Variants in SSX2IP observed in about 807,000 individuals in gnomAD.
SSX2IP encodes afadin- and alpha-actinin-binding protein.
A neutral mutation model predicts 84.9 loss-of-function variants in SSX2IP; 55 were observed. The observed-to-expected ratio is 0.65, with a 90% CI of 0.52 to 0.81. The LOEUF is 0.81. SSX2IP is among the 30% of genes least tolerant of loss of function. The pLI, the probability that SSX2IP is intolerant of heterozygous loss-of-function variation, is 0.00. For synonymous variants in SSX2IP, 239 were observed against 234.7 expected (o/e 1.02, Z -0.17); for missense variants, 664 against 705.2 (o/e 0.94, Z 0.66).
At chr1:84,651,557 G>A (rs1293669523) in intron 12 of SSX2IP, among the ~76,000 whole-genome samples, 4 of 151,928 alleles carry the variant, frequency 2.6e-5, no homozygotes, top group African/African-American at 9.7e-5. Flanking sequence ...GTAAAAACCC[G>A]TCTCTACTAA....
rs974113286 is a variant in SSX2IP, at chr1:84,645,462, C to T, written c.*1971G>A. ...AGTACGTCTCAAGGAATCTTTCTTT[C>T]CAATTTGAGAACTCAACTCACTTTA... On this transcript the variant is annotated 3_prime_UTR_variant, in exon 14 of 14. Coordinates refer to ENST00000342203, the MANE Select transcript of SSX2IP (RefSeq NM_001166293.2). 4 of 152,144 alleles carry T rather than the reference C, an allele frequency of 2.6e-5. No individual in the cohort carries two copies. Among genetic ancestry groups the T allele is most frequent in the Non-Finnish European group, 5.9e-5 (4 of 68,024 alleles). The allele number at this position is 152,144 out of a possible 1,614,324, so 9.4% of individuals were successfully genotyped here. A position where few individuals can be genotyped will look rare whatever the true frequency, so the allele number is the denominator to read the frequency against.
At position 84,677,473 on chromosome 1, in the gene SSX2IP, G is replaced by C. The variant is rs146377222; in HGVS notation, c.-89-6165C>G. On this transcript the variant is annotated intron_variant, in intron 1 of 13. Coordinates refer to ENST00000342203, the MANE Select transcript of SSX2IP (RefSeq NM_001166293.2). ...CACAACAATACCTTGTAGAACTTTAGGTAAGCAGTCTCTAGGATGGCTCTC... is the reference window on the plus strand; with the variant it reads ...CACAACAATACCTTGTAGAACTTTACGTAAGCAGTCTCTAGGATGGCTCTC... 4.1e-4 allele frequency among the ~76,000 whole-genome samples: 62 copies of C among 152,246 alleles called. 2 individuals are homozygous for C. The East Asian group carries it at 6.6e-3, about 16-fold the overall frequency.
chr1:84,660,723 C>T lies in SSX2IP; in HGVS notation c.927+1475G>A, dbSNP rs1338037491. Among the ~76,000 whole-genome samples the T allele has an allele frequency of 2.0e-5, 3 of 151,718 alleles. No individual in the cohort carries two copies. The East Asian group carries it at 5.8e-4, about 29-fold the overall frequency. ...GAGATTGCAGTGAGGTGAGATGGTG[C>T]CACTGGACTCCAGCCTGGGCAACAA... On this transcript the variant is annotated intron_variant, in intron 8 of 13. Coordinates refer to ENST00000342203, the MANE Select transcript of SSX2IP (RefSeq NM_001166293.2).
intron 1 of SSX2IP, among the ~76,000 whole-genome samples, chr1:84,682,982 TTTCCCCCATTACAGA>T (rs60615517): frequency 0.51 from 76,893 of 151,942 alleles, 22,070 homozygotes; most frequent in East Asian, 0.72. Context: ...ATCCAAATAC[TTTCCCCCATTACAGA>T]TAAGGAAACT....
At chr1:84,685,822 C>A (rs1371462528) in intron 1 of SSX2IP, among the ~76,000 whole-genome samples, 1 of 152,048 alleles carries the variant, frequency 6.6e-6, no homozygotes, top group African/African-American at 2.4e-5. Context: ...GGGGATATTC[C>A]TGAAATTTGG....
intron 9 of SSX2IP, among the ~76,000 whole-genome samples, chr1:84,657,685 C>T (rs747281311): frequency 5.9e-5 from 9 of 152,082 alleles, no homozygotes; most frequent in Non-Finnish European, 1.2e-4. Context: ...GTACACTACA[C>T]CCAATGTGTA....
intron 5 of SSX2IP, among the ~76,000 whole-genome samples, chr1:84,665,863 G>A (rs1391100365): frequency 6.6e-6 from 1 of 152,136 alleles, no homozygotes; most frequent in Non-Finnish European, 1.5e-5. Flanking sequence ...GTCCAGGAAG[G>A]GCAGTCCAGG....
In SSX2IP at chr1:84,646,787, A is replaced by C. The variant is rs1649509779; in HGVS notation, c.*646T>G. On this transcript the variant is annotated 3_prime_UTR_variant, in exon 14 of 14. Transcript: ENST00000342203. ...TCAATATTTATTGCCCAGATGTATT[A>C]AAGAGAATTCTTAAATGTAATGCAT... 6.6e-6 allele frequency: 1 copy of C among 152,574 alleles called. No individual in the cohort carries two copies. The highest frequency in any genetic ancestry group is 1.5e-5 in the Non-Finnish European group (1 of 68,004). The allele number at this position is 152,574 out of a possible 1,614,324, so 9.5% of individuals were successfully genotyped here.
chr1:84,654,803 A>G (rs771109873), intron 11 of SSX2IP, among the ~76,000 whole-genome samples: 18 of 152,184 alleles, frequency 1.2e-4, no homozygotes, highest in Non-Finnish European at 2.2e-4. Context: ...AAGTTTAGAC[A>G]AAGTACTTAT....
chr1:84,650,895 C>T (rs1309119009), intron 12 of SSX2IP, among the ~76,000 whole-genome samples: 3 of 152,024 alleles, frequency 2.0e-5, no homozygotes, highest in Admixed American at 6.5e-5. Flanking sequence ...TTAGTACAGA[C>T]GGGGTTTCAC....
intron 9 of SSX2IP, among the ~76,000 whole-genome samples, chr1:84,656,820 T>A (rs1489125967): frequency 1.3e-5 from 2 of 152,176 alleles, no homozygotes; most frequent in African/African-American, 4.8e-5. Flanking sequence ...TATTCATGAT[T>A]ATGTCCTAAT....
At chr1:84,650,736 G>C (rs1650111094) in intron 12 of SSX2IP, among the ~76,000 whole-genome samples, 1 of 150,568 alleles carries the variant, frequency 6.6e-6, no homozygotes, top group Admixed American at 6.6e-5. Flanking sequence ...ATGGAGTCTT[G>C]CTCTGTCACC....
intron 8 of SSX2IP, among the ~76,000 whole-genome samples, chr1:84,661,355 AT>A (rs543785558): frequency 2.0e-5 from 3 of 150,854 alleles, no homozygotes; most frequent in Admixed American, 2.0e-4. Context: ...CCATTATGTG[AT>A]TTTTTTTTCA....
At chr1:84,683,229 T>G (rs980313902) in intron 1 of SSX2IP, among the ~76,000 whole-genome samples, 2 of 152,114 alleles carry the variant, frequency 1.3e-5, no homozygotes, top group African/African-American at 4.8e-5. Context: ...ATCTAGGTTT[T>G]AAGCCCCGCA....
chr1:84,672,241 T>C (rs913595013), intron 1 of SSX2IP, among the ~76,000 whole-genome samples: 4 of 152,214 alleles, frequency 2.6e-5, no homozygotes, highest in African/African-American at 9.6e-5. Flanking sequence ...GGGTGAAGAC[T>C]GCAGGCAGCC....
At chr1:84,689,451 C>T (rs1413370163) in intron 1 of SSX2IP, among the ~76,000 whole-genome samples, 1 of 152,200 alleles carries the variant, frequency 6.6e-6, no homozygotes, top group Non-Finnish European at 1.5e-5. Context: ...AAGCCTCCAC[C>T]CTTACACTTC....
intron 11 of SSX2IP, among the ~76,000 whole-genome samples, chr1:84,654,312 G>A (rs1240789645): frequency 1.3e-5 from 2 of 151,906 alleles, no homozygotes; most frequent in Non-Finnish European, 2.9e-5. Flanking sequence ...AAGTAACACA[G>A]GTATATTACA....
At chr1:84,671,355 A>G (rs1301824143) in intron 1 of SSX2IP, 47 bp from the exon 2 acceptor site, 6 of 1,405,464 alleles carry the variant, frequency 4.3e-6, no homozygotes, top group East Asian at 2.6e-5. Context: ...TAAAATATGA[A>G]AGCCAATATA....
chr1:84,686,220 T>C (rs181206201), intron 1 of SSX2IP, among the ~76,000 whole-genome samples: 10 of 152,330 alleles, frequency 6.6e-5, no homozygotes, highest in Admixed American at 6.5e-4. Flanking sequence ...ACAATACTTT[T>C]ATAATCTGAA....
Sources: allele counts gnomAD v4.1 joint callset (sites outside exome capture counted in the v4.1 genomes callset), GRCh38; gene constraint gnomAD v4.1.1; transcripts MANE v1.5; gene names NCBI Gene and HGNC (gene_info 2026-07-23, HGNC 2026-07-21).